PRKAR1B: variants seen among roughly 807,000 people sequenced by gnomAD.
PRKAR1B encodes the protein protein kinase cAMP-dependent type I regulatory subunit beta.
In PRKAR1B, 22 loss-of-function variants were observed where a neutral mutation model predicts 46.5. The ratio of observed to expected loss-of-function variants is 0.47; its 90% CI spans 0.34 to 0.68. The LOEUF (loss-of-function observed/expected upper bound fraction) is 0.68. Ranked by LOEUF, PRKAR1B falls within the 30% of genes least tolerant of loss-of-function variation. The pLI, the probability that PRKAR1B is intolerant of heterozygous loss-of-function variation, is 0.01. For synonymous variants in PRKAR1B, 259 were observed against 217.7 expected, an observed-to-expected ratio of 1.19 and a Z score of -1.67; for missense variants, 445 against 535.6, an observed-to-expected ratio of 0.83 and a Z score of 1.67.
At chr7:577,473 T>C (rs1346281924) in intron 9 of PRKAR1B, among the ~76,000 whole-genome samples, 1 of 150,190 alleles carries the variant, frequency 6.7e-6, no homozygotes. Context: ...GCCGGAGACA[T>C]GGGGAACATG....
chr7:560,612 C>G lies in PRKAR1B; in HGVS notation c.892-9142G>C, dbSNP rs1047178230. 6.6e-6 allele frequency among the ~76,000 whole-genome samples: 1 copy of G among 152,164 alleles called. No individual in the cohort carries two copies. The highest frequency in any genetic ancestry group is 2.4e-5 in the African/African-American group (1 of 41,430). On this transcript the variant is annotated intron_variant, in intron 9 of 10. Transcript: ENST00000537384. This position sits in a 1 kb window ranked among gnomAD's most constrained non-coding sequence, Gnocchi z 4.2. The stretch of plus-strand genomic sequence containing the variant: ...ATCAGCACCAAAATCGGGCCGCAGA[C>G]CAAGAGTCGAAGAGTCTGGGTCCAG...
At position 602,329 on chromosome 7, in the gene PRKAR1B, G is replaced by A. The variant is rs1781669408; in HGVS notation, c.549+3864C>T. On this transcript the variant is annotated intron_variant, in intron 6 of 10. Transcript: ENST00000537384. This position sits in a 1 kb window ranked among gnomAD's most constrained non-coding sequence, Gnocchi z 6.4. ...CTGCTGGAAGGACGGAGGGAAGGGAGATGCCTCACTGAGTCCAGAGGTCGA... is the reference window on the plus strand; with the variant it reads ...CTGCTGGAAGGACGGAGGGAAGGGAAATGCCTCACTGAGTCCAGAGGTCGA... Among the ~76,000 whole-genome samples, 1 of 152,092 alleles carries A rather than the reference G, an allele frequency of 6.6e-6. No homozygotes were observed. Among genetic ancestry groups the A allele is most frequent in the African/African-American group, 2.4e-5 (1 of 41,416 alleles).
chr7:571,907 C>T (rs953254919), intron 9 of PRKAR1B, among the ~76,000 whole-genome samples: 2 of 152,236 alleles, frequency 1.3e-5, no homozygotes, highest in East Asian at 1.9e-4. Context: ...CACACACTGC[C>T]GCCTCTCCGC....
intron 4 of PRKAR1B, among the ~76,000 whole-genome samples, chr7:660,665 C>G (rs1213600144): frequency 3.2e-5 from 4 of 124,122 alleles, no homozygotes; most frequent in African/African-American, 1.2e-4. Context: ...TACCTACTCT[C>G]CCCCCCATGC....
intron 2 of PRKAR1B, among the ~76,000 whole-genome samples, chr7:692,063 A>G (rs1439138029): frequency 6.6e-6 from 1 of 152,180 alleles, no homozygotes; most frequent in Non-Finnish European, 1.5e-5. Context: ...AAATCATCAC[A>G]TCGTCATCCA....
chr7:583,481 GCACACA>G (rs565440785), intron 8 of PRKAR1B, among the ~76,000 whole-genome samples: 1 of 105,264 alleles, frequency 9.5e-6, no homozygotes, highest in African/African-American at 3.8e-5. Context: ...TCACACCCAC[GCACACA>G]CGTGTGTGCA....
intron 4 of PRKAR1B, among the ~76,000 whole-genome samples, chr7:616,991 C>CTTTTTT (rs71016889): frequency 2.6e-5 from 3 of 114,600 alleles, no homozygotes; most frequent in African/African-American, 6.6e-5. Flanking sequence ...CACCCAAGTG[C>CTTTTTT]TTTTTTTTTT....
At chr7:614,151 C>T (rs999146494) in intron 4 of PRKAR1B, among the ~76,000 whole-genome samples, 18 of 152,256 alleles carry the variant, frequency 1.2e-4, no homozygotes, top group African/African-American at 4.3e-4. Context: ...CAGGGCTGGG[C>T]ACTTCTTCGG....
Position 600,525 on chromosome 7 carries a change from A to G in PRKAR1B, c.550-4221T>C, listed in dbSNP as rs141066802. Among the ~76,000 whole-genome samples the G allele has an allele frequency of 6.5e-3, 992 of 152,354 alleles. 17 individuals carry two copies. The highest frequency in any genetic ancestry group is 0.021 in the African/African-American group (888 of 41,586). On this transcript the variant is annotated intron_variant, in intron 6 of 10. Transcript: ENST00000537384. ...TAAAAAACGAATTTTAAAAACACAC[A>G]GAACACAAGACACAACCTGAATAAC...
chr7:715,226 T>C (rs1003905425), intron 1 of PRKAR1B, among the ~76,000 whole-genome samples: 11 of 152,102 alleles, frequency 7.2e-5, no homozygotes, highest in African/African-American at 2.4e-4. Flanking sequence ...CCTGAGCCCG[T>C]TGGCTTTTTG....
chr7:699,401 C>G (rs1358584323), intron 2 of PRKAR1B, among the ~76,000 whole-genome samples: 1 of 152,160 alleles, frequency 6.6e-6, no homozygotes, highest in Admixed American at 6.5e-5. Context: ...GTTAGGGCCC[C>G]TCCCAACGCA....
intron 9 of PRKAR1B, among the ~76,000 whole-genome samples, chr7:573,697 A>G (rs1422544923): frequency 6.6e-6 from 1 of 152,234 alleles, no homozygotes; most frequent in African/African-American, 2.4e-5. Context: ...AAGAAGGTAA[A>G]ATCCGAGTCG....
At chr7:550,671 TC>T in intron 10 of PRKAR1B, 69 bp from the exon 11 acceptor site, 1 of 1,346,478 alleles carries the variant, frequency 7.4e-7, no homozygotes, top group Non-Finnish European at 9.9e-7. Context: ...AAAGATTATG[TC>T]CAGGACCCTG....
intron 4 of PRKAR1B, among the ~76,000 whole-genome samples, chr7:652,377 C>T (rs578209561): frequency 3.5e-4 from 52 of 150,538 alleles, no homozygotes; most frequent in Middle Eastern, 3.6e-3. Flanking sequence ...GGAAACCCCT[C>T]TCGGAAGACA....
chr7:677,386 T>C (rs1469787357), intron 3 of PRKAR1B, 66 bp from the exon 4 acceptor site: 2 of 1,344,650 alleles, frequency 1.5e-6, no homozygotes, highest in African/African-American at 1.4e-5. Flanking sequence ...CGGCCTGAAA[T>C]CTCCCTACTC....
In PRKAR1B at chr7:660,522, C is replaced by T. The variant is rs1008671236; in HGVS notation, c.440+16707G>A. Reference sequence around the variant, plus strand: ...ACAGATCCAAATACCTACTCTCCCCCCCATGGCACAGGTCCCCACCCCAAC... The same window carrying T: ...ACAGATCCAAATACCTACTCTCCCCTCCATGGCACAGGTCCCCACCCCAAC... On this transcript the variant is annotated intron_variant, in intron 4 of 10. Transcript: ENST00000537384. 5.9e-3 allele frequency among the ~76,000 whole-genome samples: 669 copies of T among 112,680 alleles called. 1 individual carries two copies. Among genetic ancestry groups the T allele is most frequent in the East Asian group, 0.015 (47 of 3,168 alleles). The allele number at this position is 112,680 out of a possible 152,430, so 73.9% of individuals were successfully genotyped here.
chr7:609,817 C>T (rs181734924), intron 4 of PRKAR1B, among the ~76,000 whole-genome samples: 38 of 152,208 alleles, frequency 2.5e-4, no homozygotes, highest in African/African-American at 8.7e-4. Flanking sequence ...CACAGCTCAC[C>T]GCAGCCTCCA....
chr7:726,864 C>G, intron 1 of PRKAR1B: 1 of 1,317,338 alleles, frequency 7.6e-7, no homozygotes, highest in Non-Finnish European at 9.6e-7. Context: ...GCCGGCGGCG[C>G]GCCTTGGAGG....
intron 3 of PRKAR1B, among the ~76,000 whole-genome samples, chr7:680,015 G>A (rs765351794): frequency 6.0e-5 from 9 of 150,364 alleles, no homozygotes; most frequent in Non-Finnish European, 1.0e-4. Flanking sequence ...AAAATTAGCT[G>A]GGTGTGGTGG....
Sources: gnomAD v4.1 joint callset for allele counts (sites outside exome capture counted in the v4.1 genomes callset) on GRCh38, gnomAD v4.1.1 for gene constraint, Gnocchi (gnomAD v3.1) non-coding constraint, MANE v1.5 for transcripts, NCBI Gene and HGNC (gene_info 2026-07-23, HGNC 2026-07-21) for gene names.